Variants in SCN1A observed in about 807,000 individuals in gnomAD.
SCN1A encodes the protein sodium voltage-gated channel alpha subunit 1.
SCN1A carries 13 observed loss-of-function variants against 193.7 expected under a neutral mutation model. The observed-to-expected ratio is 0.07, with a 90% CI of 0.04 to 0.11. The LOEUF (loss-of-function observed/expected upper bound fraction) is 0.11, where lower values mean the gene tolerates loss of function less well. Ranked by LOEUF, SCN1A falls within the 10% of genes least tolerant of loss-of-function variation. The pLI, the probability that SCN1A is intolerant of heterozygous loss-of-function variation, is 1.00. For missense variants in SCN1A, 1,432 were observed against 2,451.1 expected, an observed-to-expected ratio of 0.58 and a Z score of 8.78; for synonymous variants, 781 against 843.6, an observed-to-expected ratio of 0.93 and a Z score of 1.29.
At chr2:166,123,989 T>A (rs1048789656) in intron 2 of SCN1A, among the ~76,000 whole-genome samples, 3 of 152,156 alleles carry the variant, frequency 2.0e-5, no homozygotes, top group African/African-American at 7.2e-5. Context: ...GATTTCTGCT[T>A]AAAAAAACTT....
intron 2 of SCN1A, among the ~76,000 whole-genome samples, chr2:166,078,453 C>T (rs547076239): frequency 2.8e-3 from 426 of 149,522 alleles, no homozygotes; most frequent in African/African-American, 4.6e-3. Flanking sequence ...TACTCTGGTG[C>T]GAGATATTGA....
At position 165,992,502 on chromosome 2, in the gene SCN1A, G is replaced by A; in HGVS notation, c.4853-80C>T. 1 of 1,546,372 alleles carries A rather than the reference G, an allele frequency of 6.5e-7. No individual in the cohort carries two copies. Among genetic ancestry groups the A allele is most frequent in the South Asian group, 1.1e-5 (1 of 88,604 alleles). Reference sequence around the variant, plus strand: ...ACATATGTTTCTTCTAAAGCTCCAAGGTAAGGTTCAGAGTCCTGAACCCAG... The same window carrying A: ...ACATATGTTTCTTCTAAAGCTCCAAAGTAAGGTTCAGAGTCCTGAACCCAG... On this transcript the variant is annotated intron_variant, in intron 28 of 28. Coordinates refer to ENST00000674923, the MANE Select transcript of SCN1A (RefSeq NM_001165963.4). The surrounding 1 kb of genome is among the most constrained non-coding windows in gnomAD (Gnocchi z 6.5).
At position 166,048,814 on chromosome 2, in the gene SCN1A, AAAG is replaced by A. The variant is rs920569198; in HGVS notation, c.1028+69_1028+71del. The A allele has an allele frequency of 5.9e-6, 6 of 1,024,682 alleles. No homozygotes were observed. The African/African-American group carries it at 9.5e-5, about 16-fold the overall frequency. 63.5% of individuals were successfully genotyped at this position (1,024,682 alleles called of 1,614,324 possible). On this transcript the variant is annotated intron_variant, in intron 10 of 28. Coordinates refer to ENST00000674923, the MANE Select transcript of SCN1A (RefSeq NM_001165963.4). ...TGGCTGTTATCTTCAGTTTCTATAA[AAAG>A]AGAGAAAAGATACACATATGTATGT...
Position 166,045,021 on chromosome 2 carries a change from A to G in SCN1A, c.1662+22T>C, listed in dbSNP as rs758164952. On this transcript the variant is annotated intron_variant, in intron 13 of 28. Coordinates refer to ENST00000674923, the MANE Select transcript of SCN1A (RefSeq NM_001165963.4). ...ATGTTTTAATTTTCAACCATGCATCAGTAAACTCAGCAGTGCCATACCTGG... is the reference window on the plus strand; with the variant it reads ...ATGTTTTAATTTTCAACCATGCATCGGTAAACTCAGCAGTGCCATACCTGG... The G allele has an allele frequency of 2.5e-6, 4 of 1,613,426 alleles. No homozygotes were observed. In the East Asian group the frequency reaches 6.7e-5, roughly 27 times the overall value.
upstream of SCN1A, among the ~76,000 whole-genome samples, chr2:166,129,787 G>A (rs1338018029): frequency 6.6e-6 from 1 of 152,124 alleles, no homozygotes; most frequent in Non-Finnish European, 1.5e-5. Flanking sequence ...AATTCTAATT[G>A]CATATTATAG....
intron 19 of SCN1A, among the ~76,000 whole-genome samples, chr2:166,028,714 A>C (rs1199198679): frequency 6.6e-6 from 1 of 152,196 alleles, no homozygotes; most frequent in Non-Finnish European, 1.5e-5. Flanking sequence ...ATTGTTTGTA[A>C]TAGGTGTAAT....
rs1553520321 is a variant in SCN1A, at chr2:165,992,111, T to A, written c.5164A>T (p.Thr1722Ser). ...AGCAATCCATCCCAGCCAGCAGAGG[T>A]TGTAATTTGGAATAGGCAGATCATG... is the stretch of plus-strand genomic sequence containing the variant. ...NSMICLFQIT[T>S]SAGWDGLLAP... Residue 1722 changes from threonine to serine, a missense_variant, in exon 29 of 29, where the codon ACC becomes TCC. This residue lies in a region of SCN1A where 85 missense variants were observed against 213.2 expected (regional missense o/e 0.40). Coordinates refer to ENST00000674923, the MANE Select transcript of SCN1A (RefSeq NM_001165963.4). This position sits in a 1 kb window ranked among gnomAD's most constrained non-coding sequence, Gnocchi z 6.5. 1 of 1,613,568 alleles carries A rather than the reference T, an allele frequency of 6.2e-7. No homozygotes were observed. Among genetic ancestry groups the A allele is most frequent in the Non-Finnish European group, 8.5e-7 (1 of 1,179,882 alleles).
intron 4 of SCN1A, among the ~76,000 whole-genome samples, chr2:166,066,664 G>A (rs1683872846): frequency 6.6e-6 from 1 of 152,006 alleles, no homozygotes; most frequent in African/African-American, 2.4e-5. Context: ...CTAAGAAAAT[G>A]AGGCCATCAG....
intron 22 of SCN1A, among the ~76,000 whole-genome samples, chr2:166,011,189 TC>T (rs1443800616): frequency 6.6e-6 from 1 of 151,098 alleles, no homozygotes; most frequent in African/African-American, 2.4e-5. Context: ...TTGTTCAGGG[TC>T]AAGGAAATAT....
chr2:166,086,021 A>T (rs938388589), intron 2 of SCN1A, among the ~76,000 whole-genome samples: 1 of 152,188 alleles, frequency 6.6e-6, no homozygotes, highest in Non-Finnish European at 1.5e-5. Context: ...ATATAAAATT[A>T]TGCTTAATTT....
chr2:166,120,628 AC>A (rs1189248417), intron 2 of SCN1A, among the ~76,000 whole-genome samples: 1 of 84,126 alleles, frequency 1.2e-5, no homozygotes, highest in African/African-American at 4.8e-5. Flanking sequence ...TTTTTTTGAG[AC>A]AGAGTCTTGC....
intron 4 of SCN1A, among the ~76,000 whole-genome samples, chr2:166,064,688 A>C (rs1444364451): frequency 2.6e-4 from 40 of 152,146 alleles, no homozygotes; most frequent in Admixed American, 2.6e-3. Context: ...CCATTACCTT[A>C]ACATTTATTT....
intron 15 of SCN1A, 30 bp from the exon 16 acceptor site, chr2:166,041,499 ACC>A: frequency 3.0e-6 from 4 of 1,328,186 alleles, no homozygotes; most frequent in Non-Finnish European, 3.2e-6. Flanking sequence ...AAAAAGAACC[ACC>A]AAAAGGTATA....
intron 19 of SCN1A, among the ~76,000 whole-genome samples, chr2:166,026,801 A>G (rs1694842246): frequency 6.8e-6 from 1 of 147,004 alleles, no homozygotes; most frequent in Admixed American, 7.0e-5. Context: ...CTCCTGTCTC[A>G]GCCTCCCAAG....
chr2:166,085,848 T>G (rs1157512674), intron 2 of SCN1A, among the ~76,000 whole-genome samples: 2 of 152,152 alleles, frequency 1.3e-5, no homozygotes, highest in Non-Finnish European at 2.9e-5. Flanking sequence ...GCATATTATC[T>G]GCAATGGTTA....
chr2:166,053,010 G>T, intron 7 of SCN1A, 67 bp from the exon 8 acceptor site: 1 of 1,441,356 alleles, frequency 6.9e-7, no homozygotes, highest in Non-Finnish European at 9.8e-7. Flanking sequence ...GGTACAAAGA[G>T]CCTATCCTTT....
Position 166,045,177 on chromosome 2 carries a change from A to G in SCN1A, c.1528T>C (p.Ser510Pro). 6.2e-7 allele frequency: 1 copy of G among 1,614,036 alleles called. No individual in the cohort carries two copies. Among genetic ancestry groups the G allele is most frequent in the Non-Finnish European group, 8.5e-7 (1 of 1,180,004 alleles). ...RRKKRKQKEQ[S>P]GGEEKDEDEF... The stretch of plus-strand genomic sequence containing the variant: ...TCCTCATCTTTCTCTTCCCCACCAG[A>G]CTGCTCTTTCTGTTTTCTTTTCTTC... Residue 510 changes from serine (S) to proline (P), a missense_variant, in exon 13 of 29, where the codon TCT becomes CCT. Physicochemically the swap from Ser to Pro is moderately conservative, Grantham distance 74 (BLOSUM62 -1). Coordinates refer to ENST00000674923, the MANE Select transcript of SCN1A (RefSeq NM_001165963.4).
chr2:166,143,544 A>G (rs1289993355), intron 1 of SCN1A, among the ~76,000 whole-genome samples: 2 of 152,342 alleles, frequency 1.3e-5, no homozygotes, highest in East Asian at 3.9e-4. Flanking sequence ...GTAAATGAGG[A>G]AAACAAAAAT....
chr2:166,075,520 GGCTA>G (rs1432616179), intron 3 of SCN1A, among the ~76,000 whole-genome samples: 2 of 151,782 alleles, frequency 1.3e-5, no homozygotes, highest in African/African-American at 4.8e-5. Flanking sequence ...ACCTATTACT[GGCTA>G]CATGGGTTTC....
Sources: gnomAD v4.1 joint callset for allele counts (sites outside exome capture counted in the v4.1 genomes callset) on GRCh38, gnomAD v4.1.1 for gene constraint, gnomAD v4.1.1 regional missense constraint, Gnocchi (gnomAD v3.1) non-coding constraint, MANE v1.5 for transcripts, NCBI Gene and HGNC (gene_info 2026-07-23, HGNC 2026-07-21) for gene names.